WDR19: variants seen among roughly 807,000 people sequenced by gnomAD.
WDR19 encodes WD repeat domain 19.
Under a neutral mutation model 180.0 loss-of-function variants are expected in WDR19, and 121 were observed. That is an observed-to-expected ratio of 0.67 (90% CI 0.58 to 0.78). WDR19 has a LOEUF of 0.78. Among genes scored for constraint, WDR19 ranks in the 30% least tolerant of loss-of-function variants. The pLI, the probability that WDR19 is intolerant of heterozygous loss-of-function variation, is 0.00. For missense variants in WDR19, 1,450 were observed against 1,640.7 expected, an observed-to-expected ratio of 0.88 and a Z score of 2.01; for synonymous variants, 497 against 540.7, an observed-to-expected ratio of 0.92 and a Z score of 1.12.
intron 32 of WDR19, 113 bp from the exon 33 acceptor site, chr4:39,274,695 C>A: frequency 7.6e-7 from 1 of 1,309,692 alleles, no homozygotes; most frequent in Non-Finnish European, 1.1e-6. Context: ...GCAGAAAAAG[C>A]AAAGTTCAGA....
At chr4:39,271,572 A>C (rs1383856152) in intron 31 of WDR19, among the ~76,000 whole-genome samples, 1 of 152,220 alleles carries the variant, frequency 6.6e-6, no homozygotes, top group Non-Finnish European at 1.5e-5. Flanking sequence ...TCAACTCTAA[A>C]AAAAGACACA....
chr4:39,190,913 A>G (rs1726085276), intron 4 of WDR19, among the ~76,000 whole-genome samples: 1 of 152,212 alleles, frequency 6.6e-6, no homozygotes, highest in African/African-American at 2.4e-5. Context: ...TCTTGAGCCA[A>G]ATTCAGCAAC....
chr4:39,186,803 A>G (rs1725607753), intron 3 of WDR19, among the ~76,000 whole-genome samples, 199 bp downstream of exon 3: 1 of 152,234 alleles, frequency 6.6e-6, no homozygotes. Flanking sequence ...AAACACCCAT[A>G]TACTCACAGA....
chr4:39,198,028 A>G (rs771797100), intron 5 of WDR19, among the ~76,000 whole-genome samples: 1 of 151,968 alleles, frequency 6.6e-6, no homozygotes, highest in Non-Finnish European at 1.5e-5. Flanking sequence ...ATTTTTGTAG[A>G]GATGAAGTCT....
At chr4:39,236,377 G>T (rs948453710) in intron 20 of WDR19, among the ~76,000 whole-genome samples, 6 of 152,182 alleles carry the variant, frequency 3.9e-5, no homozygotes, top group Admixed American at 2.0e-4. Flanking sequence ...GGAACTGGAG[G>T]CCAAAAAGAA....
intron 24 of WDR19, among the ~76,000 whole-genome samples, chr4:39,251,040 T>C (rs1404470132): frequency 1.1e-4 from 16 of 151,998 alleles, no homozygotes; most frequent in Non-Finnish European, 1.6e-4. Context: ...AAAAAGAGCT[T>C]GCATCGCCAA....
chr4:39,266,673 C>T (rs1283490623), intron 29 of WDR19, among the ~76,000 whole-genome samples: 8 of 152,232 alleles, frequency 5.3e-5, no homozygotes, highest in Admixed American at 1.3e-4. Context: ...ACTGATGTTG[C>T]AACTATGACC....
At position 39,255,800 on chromosome 4, in the gene WDR19, G is replaced by A. The variant is rs532595990; in HGVS notation, c.3002-48G>A. Reference sequence around the variant, plus strand: ...TTTATTTTCAGGTTAGCAATAAAAGGTAAACAAATTTTGCTCAGATATTTT... The same window carrying A: ...TTTATTTTCAGGTTAGCAATAAAAGATAAACAAATTTTGCTCAGATATTTT... On this transcript the variant is annotated intron_variant, in intron 26 of 36. Transcript: ENST00000399820. 9.1e-6 allele frequency: 10 copies of A among 1,093,358 alleles called. No homozygotes were observed. In the East Asian group the frequency reaches 2.7e-4, roughly 30 times the overall value. 67.7% of individuals were successfully genotyped at this position (1,093,358 alleles called of 1,614,324 possible). A position where few individuals can be genotyped will look rare whatever the true frequency, so the allele number is the denominator to read the frequency against.
intron 20 of WDR19, among the ~76,000 whole-genome samples, chr4:39,236,358 A>G (rs939903187): frequency 7.2e-5 from 11 of 152,164 alleles, no homozygotes; most frequent in Non-Finnish European, 1.3e-4. Flanking sequence ...CTTTTGCAGC[A>G]ACATGGGTGG....
At chr4:39,283,956 T>C (rs1040719298) in intron 36 of WDR19, among the ~76,000 whole-genome samples, 23 of 152,216 alleles carry the variant, frequency 1.5e-4, no homozygotes, top group Non-Finnish European at 2.8e-4. Context: ...TCAAACTTCA[T>C]TGTTCCCCTG....
At chr4:39,278,391 G>A (rs1736120229) in intron 35 of WDR19, 148 bp from the exon 36 acceptor site, 3 of 805,970 alleles carry the variant, frequency 3.7e-6, no homozygotes, top group Non-Finnish European at 5.9e-6. Context: ...GATCTTGCAT[G>A]AGACTGAATA....
At chr4:39,268,824 G>A (rs1735060143) in intron 30 of WDR19, among the ~76,000 whole-genome samples, 1 of 152,166 alleles carries the variant, frequency 6.6e-6, no homozygotes, top group South Asian at 2.1e-4. Context: ...AGTAAATTCA[G>A]AGTTGGACGG....
chr4:39,239,842 TCAGTGA>T (rs547793470), intron 20 of WDR19, among the ~76,000 whole-genome samples: 89 of 152,312 alleles, frequency 5.8e-4, no homozygotes, highest in African/African-American at 2.1e-3. Flanking sequence ...CTTAAGCAAC[TCAGTGA>T]CAAAGATTAT....
chr4:39,224,944 C>T lies in WDR19; in HGVS notation c.1540C>T (p.Pro514Ser). ...GCAATTCGTTAATGATTATCGACAT[C>T]CTGTCAGTGTGAAAAAGATTTTTCC... ...DWQFVNDYRH[P>S]VSVKKIFPDP... The change falls in exon 15 of 37, where the codon CCT becomes TCT. Residue 514 changes from proline (P) to serine (S), a missense_variant. Coordinates refer to ENST00000399820, the MANE Select transcript of WDR19 (RefSeq NM_025132.4). 2 of 1,581,770 alleles carry T rather than the reference C, an allele frequency of 1.3e-6. No homozygotes were observed.
At chr4:39,266,581 C>G (rs924049476) in intron 29 of WDR19, among the ~76,000 whole-genome samples, 47 of 152,114 alleles carry the variant, frequency 3.1e-4, no homozygotes, top group African/African-American at 1.1e-3. Context: ...TAGCCATGCC[C>G]CTCTAGATAA....
At chr4:39,240,684 G>A (rs554692569) in intron 21 of WDR19, among the ~76,000 whole-genome samples, 2 of 152,128 alleles carry the variant, frequency 1.3e-5, no homozygotes, top group African/African-American at 2.4e-5. Context: ...GGACGCGGTG[G>A]CTCACACCTG....
intron 17 of WDR19, 50 bp from the exon 18 acceptor site, chr4:39,231,747 A>C: frequency 6.7e-7 from 1 of 1,484,316 alleles, no homozygotes; most frequent in Non-Finnish European, 9.0e-7. Context: ...AAATTGCCTA[A>C]CATGTGGCAA....
rs181612481 is a variant in WDR19 at position 39,247,362 on chromosome 4, C to A, written c.2729+1910C>A. Among the ~76,000 whole-genome samples the A allele has an allele frequency of 3.2e-4, 48 of 152,204 alleles. No individual in the cohort carries two copies. In the East Asian group the frequency reaches 8.5e-3, roughly 27 times the overall value. ...CACCAAAAACCCATCTGTAAGTCAC[C>A]ATCATCAAAGACCAAAGGTGGATAA... On this transcript the variant is annotated intron_variant, in intron 24 of 36. Transcript: ENST00000399820.
intron 26 of WDR19, among the ~76,000 whole-genome samples, chr4:39,254,899 T>C (rs1733600921): frequency 6.6e-6 from 1 of 152,246 alleles, no homozygotes; most frequent in South Asian, 2.1e-4. Flanking sequence ...TTTTGTGTTA[T>C]TCTGTTTTTT....
Sources: allele counts gnomAD v4.1 joint callset (sites outside exome capture counted in the v4.1 genomes callset), GRCh38; gene constraint gnomAD v4.1.1; transcripts MANE v1.5; gene names NCBI Gene and HGNC (gene_info 2026-07-23, HGNC 2026-07-21).